Variants in BNC2 observed in about 807,000 individuals in gnomAD.
BNC2 encodes the protein basonuclin zinc finger protein 2.
BNC2 carries 20 observed loss-of-function variants against 76.3 expected under a neutral mutation model. The observed-to-expected ratio is 0.26, with a 90% CI of 0.18 to 0.38. The LOEUF is 0.38. BNC2 is among the 10% of genes least tolerant of loss of function. The pLI is 1.00. For missense variants in BNC2, 1,382 were observed against 1,399.8 expected, an observed-to-expected ratio of 0.99 and a Z score of 0.20; for synonymous variants, 582 against 514.8, an observed-to-expected ratio of 1.13 and a Z score of -1.77.
At chr9:16,624,751 CAA>C (rs1173813199) in intron 3 of BNC2, among the ~76,000 whole-genome samples, 2 of 152,052 alleles carry the variant, frequency 1.3e-5, no homozygotes, top group Non-Finnish European at 1.5e-5. Context: ...TAAAAAAAAT[CAA>C]AGTTATTTCT....
intron 6 of BNC2, among the ~76,000 whole-genome samples, chr9:16,420,471 A>G (rs1820687275): frequency 6.6e-6 from 1 of 152,150 alleles, no homozygotes; most frequent in Non-Finnish European, 1.5e-5. Flanking sequence ...TTAAAAAAAT[A>G]AAACCCACCC....
chr9:16,859,279 G>C (rs1007184633), intron 1 of BNC2, among the ~76,000 whole-genome samples: 1 of 152,026 alleles, frequency 6.6e-6, no homozygotes, highest in African/African-American at 2.4e-5. Flanking sequence ...TGCCCTTATA[G>C]AAAACAGTAT....
intron 1 of BNC2, among the ~76,000 whole-genome samples, chr9:16,831,463 C>T (rs902418556): frequency 5.9e-5 from 9 of 152,202 alleles, no homozygotes; most frequent in East Asian, 5.8e-4. Flanking sequence ...TTAAACAGAA[C>T]TTGCAGCTAA....
chr9:16,766,796 G>A (rs535789129), intron 1 of BNC2, among the ~76,000 whole-genome samples: 1 of 152,142 alleles, frequency 6.6e-6, no homozygotes, highest in East Asian at 1.9e-4. Flanking sequence ...GTTTGGGAAG[G>A]TTACTTTGCT....
chr9:16,803,409 G>T (rs914208532), intron 1 of BNC2, among the ~76,000 whole-genome samples: 1 of 152,206 alleles, frequency 6.6e-6, no homozygotes, highest in African/African-American at 2.4e-5. Flanking sequence ...TTACAACGAA[G>T]GGAGGCAAGG....
chr9:16,434,432 T>G (rs1042946210), intron 6 of BNC2, among the ~76,000 whole-genome samples: 1 of 152,212 alleles, frequency 6.6e-6, no homozygotes, highest in Non-Finnish European at 1.5e-5. Context: ...TTTAATGTGT[T>G]TCTTCCATTG....
chr9:16,419,043 C>T lies in BNC2; in HGVS notation c.3246G>A (p.Arg1082=). ...MMFSSVRSRN[R]HSQNPNLHKN... ...TGTGGAGATTAGGGTTCTGACTGTGCCGATTTCGGCTTCGTACAGAGGAAA... is the reference window on the plus strand; with the variant it reads ...TGTGGAGATTAGGGTTCTGACTGTGTCGATTTCGGCTTCGTACAGAGGAAA... The change falls in exon 7 of 7, where the codon CGG becomes CGA. Residue 1082 remains arginine (R), a synonymous_variant. Transcript: ENST00000380672. 1 of 1,614,138 alleles carries T rather than the reference C, an allele frequency of 6.2e-7. No individual in the cohort carries two copies. The highest frequency in any genetic ancestry group is 8.5e-7 in the Non-Finnish European group (1 of 1,180,032).
At chr9:16,606,788 C>T (rs1380369900) in intron 3 of BNC2, among the ~76,000 whole-genome samples, 1 of 152,198 alleles carries the variant, frequency 6.6e-6, no homozygotes, top group African/African-American at 2.4e-5. Context: ...AAACACCTGA[C>T]TTCAGGTGAT....
At chr9:16,672,763 C>CTT in intron 3 of BNC2, among the ~76,000 whole-genome samples, 1 of 152,262 alleles carries the variant, frequency 6.6e-6, no homozygotes, top group East Asian at 1.9e-4. Flanking sequence ...TTATTAGTTA[C>CTT]TTTATTGGAC....
At chr9:16,576,867 A>G (rs1259804769) in intron 4 of BNC2, among the ~76,000 whole-genome samples, 1 of 152,138 alleles carries the variant, frequency 6.6e-6, no homozygotes, top group Non-Finnish European at 1.5e-5. Flanking sequence ...CCTCCCGAGT[A>G]GCTGGGATTA....
At chr9:16,839,810 T>C (rs1818786033) in intron 1 of BNC2, among the ~76,000 whole-genome samples, 1 of 152,184 alleles carries the variant, frequency 6.6e-6, no homozygotes, top group African/African-American at 2.4e-5. Context: ...TTGAAAAGGA[T>C]TTTTACAAAT....
chr9:16,514,561 C>G (rs1438349201), intron 5 of BNC2, among the ~76,000 whole-genome samples: 1 of 152,124 alleles, frequency 6.6e-6, no homozygotes, highest in Admixed American at 6.5e-5. Flanking sequence ...TCTGTACTAG[C>G]AATCTGTTAT....
At chr9:16,453,882 C>A (rs1821392972) in intron 5 of BNC2, among the ~76,000 whole-genome samples, 1 of 152,200 alleles carries the variant, frequency 6.6e-6, no homozygotes, top group Non-Finnish European at 1.5e-5. Context: ...TTTAATGCTG[C>A]CATTCAAGAA....
intron 5 of BNC2, among the ~76,000 whole-genome samples, chr9:16,463,374 G>A (rs1177976165): frequency 1.6e-5 from 2 of 126,762 alleles, no homozygotes; most frequent in Admixed American, 9.0e-5. Context: ...TCGGCTCACT[G>A]CAAGCTCCGC....
intron 5 of BNC2, among the ~76,000 whole-genome samples, chr9:16,441,933 C>T (rs78077756): frequency 0.031 from 4,736 of 152,250 alleles, 93 homozygotes; most frequent in Non-Finnish European, 0.047. Flanking sequence ...TAGGCTAGGA[C>T]GAAGATCCCA....
intron 1 of BNC2, among the ~76,000 whole-genome samples, chr9:16,745,038 A>G (rs1587373407): frequency 6.6e-6 from 1 of 152,232 alleles, no homozygotes. Flanking sequence ...TTGGGTTTGA[A>G]TAACTGCAGA....
At chr9:16,468,117 T>G (rs1019791288) in intron 5 of BNC2, among the ~76,000 whole-genome samples, 4 of 148,370 alleles carry the variant, frequency 2.7e-5, no homozygotes, top group Non-Finnish European at 4.5e-5. Flanking sequence ...CATGGCTCAC[T>G]GCAGCCTTGA....
intron 3 of BNC2, among the ~76,000 whole-genome samples, chr9:16,666,847 T>C (rs1822306518): frequency 6.6e-6 from 1 of 152,218 alleles, no homozygotes; most frequent in African/African-American, 2.4e-5. Flanking sequence ...CACTTAAATG[T>C]AGTTAGCATT....
Position 16,431,054 on chromosome 9 carries a change from G to A in BNC2, c.2639+4501C>T, listed in dbSNP as rs548177703. On this transcript the variant is annotated intron_variant, in intron 6 of 6. Transcript: ENST00000380672. ...CTTGACAACTACTGGCCACTACTCT[G>A]AGAAGAAGAAAGGAACAAAGATAGT... is the stretch of plus-strand genomic sequence containing the variant. Among the ~76,000 whole-genome samples the A allele has an allele frequency of 3.3e-5, 5 of 152,280 alleles. No individual in the cohort carries two copies. In the East Asian group the frequency reaches 9.6e-4, roughly 29 times the overall value.
Sources: gnomAD v4.1 joint callset for allele counts (sites outside exome capture counted in the v4.1 genomes callset) on GRCh38, gnomAD v4.1.1 for gene constraint, MANE v1.5 for transcripts, NCBI Gene and HGNC (gene_info 2026-07-23, HGNC 2026-07-21) for gene names.